Variants in MYH7 observed in about 807,000 individuals in gnomAD.
MYH7 encodes myosin-7.
MYH7 carries 129 observed loss-of-function variants against 225.4 expected under a neutral mutation model. The ratio of observed to expected loss-of-function variants is 0.57; its 90% CI spans 0.50 to 0.66. The LOEUF (loss-of-function observed/expected upper bound fraction) is 0.66. Among genes scored for constraint, MYH7 ranks in the 30% least tolerant of loss-of-function variants. The pLI is 0.00. For missense variants in MYH7, 1,649 were observed against 2,517.0 expected (o/e 0.66, Z 7.38); for synonymous variants, 971 against 1,007.6 (o/e 0.96, Z 0.69).
chr14:23,414,496 C>T (rs1340075422), intron 37 of MYH7, among the ~76,000 whole-genome samples: 1 of 152,112 alleles, frequency 6.6e-6, no homozygotes, highest in Non-Finnish European at 1.5e-5. Flanking sequence ...AAAACACTGA[C>T]TTAATCTAAG....
rs752197136 is a variant in MYH7, at chr14:23,416,310, G to A, written c.4647C>T (p.Ala1549=). 1 of 1,612,306 alleles carries A rather than the reference G, an allele frequency of 6.2e-7. No homozygotes were observed. Among genetic ancestry groups the A allele is most frequent in the Non-Finnish European group, 8.5e-7 (1 of 1,178,830 alleles). The change falls in exon 34 of 40, where the codon GCC becomes GCT. Residue 1549 remains alanine (A), a splice_region_variant and synonymous_variant. Transcript: ENST00000355349. ...ELQSALEEAE[A]SLEHEEGKIL... ...TCTTGCCCTCCTCGTGCTCCAGGGA[G>A]GCCTGGGAAGGGGTTGGGGGAGGGG...
rs761863867 is a variant in MYH7, at chr14:23,425,950, A to G, written c.2162+14T>C. The stretch of plus-strand genomic sequence containing the variant: ...CCCCCTGTTCTATGAGCTCTGGTGC[A>G]CCCTCATACCCACCTCTGCCGGAAG... On this transcript the variant is annotated intron_variant, in intron 19 of 39. Coordinates refer to ENST00000355349, the MANE Select transcript of MYH7 (RefSeq NM_000257.4). The surrounding 1 kb of genome is among the most constrained non-coding windows in gnomAD (Gnocchi z 4.6). The G allele has an allele frequency of 6.2e-7, 1 of 1,613,184 alleles. No individual in the cohort carries two copies. The highest frequency in any genetic ancestry group is 8.5e-7 in the Non-Finnish European group (1 of 1,179,960).
In MYH7 at chr14:23,417,082, GC is replaced by G. The variant is rs1289979972; in HGVS notation, c.4519+70del. ...CCTCTTTGCCCAGACGCCTCTTGGA[GC>G]CCTTGGGTGGCACCATATGGGAACA... On this transcript the variant is annotated intron_variant, in intron 32 of 39. Transcript: ENST00000355349. 3.7e-6 allele frequency: 6 copies of G among 1,613,954 alleles called. No homozygotes were observed. The Admixed American group carries it at 1.0e-4, about 27-fold the overall frequency.
intron 26 of MYH7, among the ~76,000 whole-genome samples, 190 bp from the exon 27 acceptor site, chr14:23,420,424 A>T (rs1029815800): frequency 3.3e-5 from 5 of 152,228 alleles, no homozygotes; most frequent in African/African-American, 1.2e-4. Context: ...GACAGTCTAC[A>T]TGCTCTTTAT....
intron 11 of MYH7, among the ~76,000 whole-genome samples, chr14:23,430,169 C>G (rs963683007): frequency 1.7e-4 from 26 of 152,146 alleles, no homozygotes; most frequent in African/African-American, 5.8e-4. Context: ...CTGAGTTACC[C>G]ACTTATGCTT....
intron 25 of MYH7, among the ~76,000 whole-genome samples, chr14:23,421,955 A>C (rs762558): frequency 1.3e-5 from 2 of 152,174 alleles, no homozygotes; most frequent in Non-Finnish European, 2.9e-5. Flanking sequence ...AGAAGAAAGG[A>C]CTCATGGGAT....
intron 9 of MYH7, 53 bp downstream of exon 9, chr14:23,431,365 G>T: frequency 6.4e-7 from 1 of 1,556,360 alleles, no homozygotes; most frequent in East Asian, 2.2e-5. Flanking sequence ...AAGACCAGAT[G>T]GTCTAGAGCA....
chr14:23,431,110 G>A, intron 9 of MYH7, 111 bp from the exon 10 acceptor site: 1 of 808,080 alleles, frequency 1.2e-6, no homozygotes. Context: ...AAGAGCCAGA[G>A]AGACTAGTTG....
At position 23,417,211 on chromosome 14, in the gene MYH7, G is replaced by C. The variant is rs2138645345; in HGVS notation, c.4461C>G (p.Ala1487=). The part of the protein sequence containing the change: ...LSTELFKLKN[A]YEESLEHLET... ...CCAGATGTTCCAGGGACTCCTCATAGGCGTTCTTGAGTTTGAAGAGCTCTG... is the reference window on the plus strand; with the variant it reads ...CCAGATGTTCCAGGGACTCCTCATACGCGTTCTTGAGTTTGAAGAGCTCTG... Residue 1487 remains alanine, a synonymous_variant, in exon 32 of 40, where the codon GCC becomes GCG. Transcript: ENST00000355349. The C allele has an allele frequency of 1.2e-6, 2 of 1,614,192 alleles. No individual in the cohort carries two copies. Among genetic ancestry groups the C allele is most frequent in the Non-Finnish European group, 1.7e-6 (2 of 1,180,032 alleles).
At chr14:23,426,972 G>T (rs971823441) in intron 17 of MYH7, 108 bp from the exon 18 acceptor site, 13 of 1,091,818 alleles carry the variant, frequency 1.2e-5, no homozygotes, top group Non-Finnish European at 1.6e-5. Flanking sequence ...AATTCGAGAA[G>T]TCACAGAGAT....
chr14:23,434,210 T>A lies in MYH7; in HGVS notation c.-25A>T. 9.6e-7 allele frequency: 1 copy of A among 1,037,506 alleles called. No individual in the cohort carries two copies. The highest frequency in any genetic ancestry group is 1.2e-6 in the Non-Finnish European group (1 of 860,914). 64.3% of individuals were successfully genotyped at this position (1,037,506 alleles called of 1,614,324 possible). A position where few individuals can be genotyped will look rare whatever the true frequency, so the allele number is the denominator to read the frequency against. On this transcript the variant is annotated 5_prime_UTR_variant, in exon 2 of 40. Coordinates refer to ENST00000355349, the MANE Select transcript of MYH7 (RefSeq NM_000257.4). ...TTTTCTTACCTGGGCTACTCAAGTG[T>A]GTCTACAGATGAGGAAAGGGGCCAA... is the stretch of plus-strand genomic sequence containing the variant.
At chr14:23,422,998 C>A (rs1202569020) in intron 24 of MYH7, among the ~76,000 whole-genome samples, 1 of 152,178 alleles carries the variant, frequency 6.6e-6, no homozygotes, top group Non-Finnish European at 1.5e-5. Context: ...GCACTGCAGT[C>A]CCCAAATTGA....
At chr14:23,432,337 T>C in intron 6 of MYH7, 142 bp downstream of exon 6, 1 of 1,009,174 alleles carries the variant, frequency 9.9e-7, no homozygotes, top group Non-Finnish European at 1.6e-6. Context: ...GGGGTCAGGG[T>C]AATGGTCAGA....
rs1892082024 is a variant in MYH7 at position 23,414,052 on chromosome 14, C to T, written c.5610G>A (p.Lys1870=). The change falls in exon 38 of 40, where the codon AAG becomes AAA. Residue 1870 remains lysine (K), a synonymous_variant. Coordinates refer to ENST00000355349, the MANE Select transcript of MYH7 (RefSeq NM_000257.4). The part of the protein sequence containing the change: ...NLLRLQDLVD[K]LQLKVKAYKR... ...TGTAGGCCTTGACCTTTAGCTGCAGCTTGTCTACCAGGTCCTGCAGCCGCA... is the reference window on the plus strand; with the variant it reads ...TGTAGGCCTTGACCTTTAGCTGCAGTTTGTCTACCAGGTCCTGCAGCCGCA... 1 of 1,614,060 alleles carries T rather than the reference C, an allele frequency of 6.2e-7. No individual in the cohort carries two copies. Among genetic ancestry groups the T allele is most frequent in the African/African-American group, 1.3e-5 (1 of 75,062 alleles).
rs1166917423 is a variant in MYH7, at chr14:23,421,148, T to C, written c.3246-100A>G. ...GTAATGATACAGGTAAAGAGTAGGA[T>C]TTCATTAGAAAAACAGCTTCTGGGG... is the stretch of plus-strand genomic sequence containing the variant. On this transcript the variant is annotated intron_variant, in intron 25 of 39. Transcript: ENST00000355349. 1.4e-5 allele frequency: 12 copies of C among 874,634 alleles called. No individual in the cohort carries two copies. In the Admixed American group the frequency reaches 2.1e-4, roughly 16 times the overall value. The allele number at this position is 874,634 out of a possible 1,614,324, so 54.2% of individuals were successfully genotyped here.
intron 4 of MYH7, 40 bp from the exon 5 acceptor site, chr14:23,432,835 G>A: frequency 6.2e-7 from 1 of 1,613,324 alleles, no homozygotes; most frequent in East Asian, 2.2e-5. Flanking sequence ...CAGTTGCGAA[G>A]GGGGAGGGCT....
At chr14:23,430,875 G>T (rs1475647585) in intron 10 of MYH7, 26 bp downstream of exon 10, 3 of 1,546,012 alleles carry the variant, frequency 1.9e-6, no homozygotes, top group Non-Finnish European at 2.7e-6. Flanking sequence ...GGAGATAGTT[G>T]GTCTCAGTCG....
In MYH7 at chr14:23,433,029, G is replaced by C; in HGVS notation, c.345+55C>G. On this transcript the variant is annotated intron_variant, in intron 4 of 39. Transcript: ENST00000355349. The surrounding 1 kb of genome is among the most constrained non-coding windows in gnomAD (Gnocchi z 4.1). ...GAAGACACTCTTGGCTCCTGGGGTGGACATGGATGGAGCAAGAACAGAGAT... is the reference window on the plus strand; with the variant it reads ...GAAGACACTCTTGGCTCCTGGGGTGCACATGGATGGAGCAAGAACAGAGAT... 6.2e-7 allele frequency: 1 copy of C among 1,612,476 alleles called. No homozygotes were observed. Among genetic ancestry groups the C allele is most frequent in the Non-Finnish European group, 8.5e-7 (1 of 1,178,750 alleles).
rs2138680193 is a variant in MYH7, at chr14:23,430,977, A to G, written c.819T>C (p.Val273=). 6.2e-7 allele frequency: 1 copy of G among 1,613,602 alleles called. No individual in the cohort carries two copies. Among genetic ancestry groups the G allele is most frequent in the Non-Finnish European group, 8.5e-7 (1 of 1,179,486 alleles). The change falls in exon 10 of 40, where the codon GTT becomes GTC. Residue 273 remains valine, a synonymous_variant. Coordinates refer to ENST00000355349, the MANE Select transcript of MYH7 (RefSeq NM_000257.4). ...CTCTCTCTGCTTTCAGCTGGAAAAT[A>G]ACTCTGGATTTTTCCAGAAGATCTG... ...IETYLLEKSR[V]IFQLKAERDY...
Sources: allele counts gnomAD v4.1 joint callset (sites outside exome capture counted in the v4.1 genomes callset), GRCh38; gene constraint gnomAD v4.1.1; non-coding constraint Gnocchi (gnomAD v3.1); transcripts MANE v1.5; gene names NCBI Gene and HGNC (gene_info 2026-07-23, HGNC 2026-07-21).